Variants in CTNNA3 observed in about 807,000 individuals in gnomAD.
CTNNA3 encodes catenin alpha 3, also known as catenin alpha-3.
A neutral mutation model predicts 95.7 loss-of-function variants in CTNNA3; 76 were observed. That is an observed-to-expected ratio of 0.79 (90% CI 0.66 to 0.96). CTNNA3 has a LOEUF of 0.96. Among genes scored for constraint, CTNNA3 ranks in the 40% least tolerant of loss-of-function variants. CTNNA3 has a pLI of 0.00. For missense variants in CTNNA3, 1,191 were observed against 1,089.8 expected (o/e 1.09, Z -1.31); for synonymous variants, 431 against 374.4 (o/e 1.15, Z -1.74).
intron 13 of CTNNA3, among the ~76,000 whole-genome samples, chr10:66,207,255 A>G (rs1234385738): frequency 6.6e-6 from 1 of 151,880 alleles, no homozygotes; most frequent in Non-Finnish European, 1.5e-5. Context: ...TTTGATCCTT[A>G]AAAGTCATGC....
chr10:67,566,008 C>T (rs28806171), intron 3 of CTNNA3, among the ~76,000 whole-genome samples: 48,764 of 91,140 alleles, frequency 0.54, 15,467 homozygotes, highest in African/African-American at 0.85. Context: ...TATATATATA[C>T]ACACACAAAC....
intron 13 of CTNNA3, among the ~76,000 whole-genome samples, chr10:66,147,615 T>G (rs1006229981): frequency 3.4e-5 from 5 of 149,072 alleles, no homozygotes; most frequent in Admixed American, 1.4e-4. Flanking sequence ...TCAGTTTTTT[T>G]TTTTTTTTTT....
chr10:67,363,351 A>G (rs1219577960), intron 5 of CTNNA3, among the ~76,000 whole-genome samples: 2 of 151,910 alleles, frequency 1.3e-5, no homozygotes, highest in East Asian at 3.9e-4. Context: ...ATCACACTAC[A>G]TAAATTCAAA....
intron 9 of CTNNA3, among the ~76,000 whole-genome samples, chr10:66,738,260 T>G (rs1052742049): frequency 6.6e-6 from 1 of 152,220 alleles, no homozygotes; most frequent in African/African-American, 2.4e-5. Flanking sequence ...TGTTTTTGAT[T>G]GATCTGCATT....
chr10:66,076,590 C>T (rs1379580224), intron 14 of CTNNA3, among the ~76,000 whole-genome samples: 1 of 151,766 alleles, frequency 6.6e-6, no homozygotes, highest in East Asian at 1.9e-4. Context: ...AAAAACACCC[C>T]TCTTAACACC....
At chr10:66,233,726 T>C (rs758457550) in intron 13 of CTNNA3, among the ~76,000 whole-genome samples, 42 of 152,166 alleles carry the variant, frequency 2.8e-4, no homozygotes, top group Non-Finnish European at 4.7e-4. Context: ...GGATTAAACA[T>C]ATATATAAAA....
At chr10:66,291,602 A>G (rs1235882855) in intron 12 of CTNNA3, among the ~76,000 whole-genome samples, 8 of 152,148 alleles carry the variant, frequency 5.3e-5, no homozygotes, top group Admixed American at 5.2e-4. Flanking sequence ...AGAGTAGGTT[A>G]GTATTCTCTG....
intron 13 of CTNNA3, among the ~76,000 whole-genome samples, chr10:66,124,746 G>T (rs1589473362): frequency 6.6e-6 from 1 of 152,196 alleles, no homozygotes; most frequent in East Asian, 1.9e-4. Context: ...AAGAGAGACA[G>T]CTTGTGCAGG....
chr10:66,777,247 G>T (rs550064252), intron 7 of CTNNA3, among the ~76,000 whole-genome samples: 3 of 152,046 alleles, frequency 2.0e-5, no homozygotes, highest in Non-Finnish European at 2.9e-5. Context: ...CAAATCTGGC[G>T]CACTGTGACA....
intron 5 of CTNNA3, among the ~76,000 whole-genome samples, chr10:67,256,050 G>A (rs912028392): frequency 3.4e-5 from 5 of 145,048 alleles, no homozygotes; most frequent in Non-Finnish European, 6.0e-5. Context: ...AAAAAAAAAA[G>A]GATTTCTCTC....
intron 7 of CTNNA3, among the ~76,000 whole-genome samples, chr10:66,810,529 T>C (rs919588911): frequency 2.0e-5 from 3 of 152,208 alleles, no homozygotes; most frequent in Non-Finnish European, 4.4e-5. Context: ...AGGTTCTCAA[T>C]ATCTCTATCT....
chr10:66,426,604 C>G (rs1217839053), intron 11 of CTNNA3, among the ~76,000 whole-genome samples: 1 of 151,816 alleles, frequency 6.6e-6, no homozygotes, highest in Non-Finnish European at 1.5e-5. Context: ...AGTTAAAAGC[C>G]AATCTTTTTT....
chr10:66,178,427 A>ATG (rs1271147080), intron 13 of CTNNA3, among the ~76,000 whole-genome samples: 1 of 116,196 alleles, frequency 8.6e-6, no homozygotes, highest in East Asian at 2.5e-4. Flanking sequence ...ATATATATAT[A>ATG]TATATATATA....
intron 11 of CTNNA3, among the ~76,000 whole-genome samples, chr10:66,512,006 C>T (rs1840679076): frequency 1.3e-5 from 2 of 151,870 alleles, no homozygotes; most frequent in Admixed American, 1.3e-4. Flanking sequence ...GTGTCTCTAT[C>T]TCTCTCTTTA....
chr10:67,755,535 C>T (rs895866086), intron 1 of CTNNA3, among the ~76,000 whole-genome samples: 4 of 152,080 alleles, frequency 2.6e-5, no homozygotes, highest in Admixed American at 2.6e-4. Flanking sequence ...GGCATGGTGG[C>T]TCATGCCTGT....
intron 9 of CTNNA3, among the ~76,000 whole-genome samples, chr10:66,623,042 C>CTTTTGTTGGTATTTCTACT: frequency 6.6e-6 from 1 of 152,064 alleles, no homozygotes; most frequent in South Asian, 2.1e-4. Context: ...GCTTGAAGGT[C>CTTTTGTTGGTATTTCTACT]ACAATGCCTC....
chr10:66,874,186 T>G (rs770598965), intron 7 of CTNNA3, among the ~76,000 whole-genome samples: 21 of 152,116 alleles, frequency 1.4e-4, no homozygotes, highest in Non-Finnish European at 2.6e-4. Context: ...TGCTCAGTCA[T>G]TGTCTGTGAA....
chr10:66,621,944 G>T (rs1844766142), intron 9 of CTNNA3, among the ~76,000 whole-genome samples, 160 bp from the exon 10 acceptor site: 2 of 152,092 alleles, frequency 1.3e-5, no homozygotes, highest in South Asian at 2.1e-4. Context: ...AGAATTCAGA[G>T]AATCTATTAA....
intron 5 of CTNNA3, among the ~76,000 whole-genome samples, chr10:67,506,223 C>G (rs1395771205): frequency 6.6e-6 from 1 of 152,160 alleles, no homozygotes; most frequent in Non-Finnish European, 1.5e-5. Flanking sequence ...CATACACATA[C>G]TCTTCTAAAT....
Sources: allele counts gnomAD v4.1 joint callset (sites outside exome capture counted in the v4.1 genomes callset), GRCh38; gene constraint gnomAD v4.1.1; transcripts MANE v1.5; gene names NCBI Gene and HGNC (gene_info 2026-07-23, HGNC 2026-07-21).